Variants in RCAN2 observed in about 807,000 individuals in gnomAD.
RCAN2 encodes the protein calcipressin-2.
RCAN2 carries 9 observed loss-of-function variants against 23.6 expected under a neutral mutation model. The ratio of observed to expected loss-of-function variants is 0.38; its 90% confidence interval spans 0.23 to 0.67. The LOEUF is 0.67. Ranked by LOEUF, RCAN2 falls within the 30% of genes least tolerant of loss-of-function variation. RCAN2 has a pLI of 0.51. For synonymous variants in RCAN2, 109 were observed against 115.7 expected (o/e 0.94, Z 0.37); for missense variants, 273 against 302.3 (o/e 0.90, Z 0.72).
chr6:46,417,898 A>G (rs1385874325), intron 2 of RCAN2, among the ~76,000 whole-genome samples: 1 of 152,218 alleles, frequency 6.6e-6, no homozygotes, highest in Non-Finnish European at 1.5e-5. Flanking sequence ...TATTAGATCT[A>G]TTTCACTGAT....
intron 2 of RCAN2, among the ~76,000 whole-genome samples, chr6:46,310,602 C>G (rs143444053): frequency 0.011 from 1,609 of 149,996 alleles, 27 homozygotes; most frequent in African/African-American, 0.038. Flanking sequence ...GGAATTAATA[C>G]TGATTGTTGC....
chr6:46,381,420 T>C (rs145799104), intron 2 of RCAN2, among the ~76,000 whole-genome samples: 11 of 152,278 alleles, frequency 7.2e-5, no homozygotes, highest in African/African-American at 2.4e-4. Flanking sequence ...TCAGATTCTA[T>C]AAACTGAGGA....
chr6:46,466,734 C>A (rs1051113253), intron 1 of RCAN2, among the ~76,000 whole-genome samples: 3 of 152,166 alleles, frequency 2.0e-5, no homozygotes, highest in Non-Finnish European at 4.4e-5. Context: ...CCTATCTAGA[C>A]TTATCAACTG....
intron 2 of RCAN2, among the ~76,000 whole-genome samples, chr6:46,409,886 T>A (rs1313606744): frequency 1.3e-5 from 2 of 152,218 alleles, no homozygotes; most frequent in African/African-American, 4.8e-5. Flanking sequence ...TGAGGGTGTT[T>A]CCAGAAGAGA....
chr6:46,310,575 C>T (rs1763224297), intron 2 of RCAN2, among the ~76,000 whole-genome samples: 1 of 151,732 alleles, frequency 6.6e-6, no homozygotes, highest in South Asian at 2.1e-4. Flanking sequence ...ATACTTCTTC[C>T]AAAGAAATCT....
intron 2 of RCAN2, among the ~76,000 whole-genome samples, chr6:46,430,659 A>G (rs1345708428): frequency 1.3e-5 from 2 of 152,340 alleles, no homozygotes; most frequent in South Asian, 2.1e-4. Flanking sequence ...TGGATTTTCC[A>G]TAGGTGTGAT....
chr6:46,323,650 C>T (rs949840640), intron 2 of RCAN2, among the ~76,000 whole-genome samples: 1 of 152,138 alleles, frequency 6.6e-6, no homozygotes, highest in African/African-American at 2.4e-5. Context: ...ATAAAATCTA[C>T]CCATCTTTAA....
intron 2 of RCAN2, among the ~76,000 whole-genome samples, chr6:46,306,532 C>T (rs1019265951): frequency 2.0e-5 from 3 of 152,146 alleles, no homozygotes; most frequent in African/African-American, 7.2e-5. Flanking sequence ...GTGATGGTGA[C>T]ATTTACATCA....
chr6:46,423,556 A>T (rs1045543649), intron 2 of RCAN2, among the ~76,000 whole-genome samples: 1 of 152,190 alleles, frequency 6.6e-6, no homozygotes, highest in Non-Finnish European at 1.5e-5. Context: ...TCCTCTCTGA[A>T]GTCAATACTC....
rs60947209 is a variant in RCAN2 at position 46,296,066 on chromosome 6, C to CGTGTGTGT, written c.226-47178_226-47171dup. Among the ~76,000 whole-genome samples the CGTGTGTGT allele has an allele frequency of 2.6e-3, 360 of 138,522 alleles. 1 individual carries two copies. Among genetic ancestry groups the CGTGTGTGT allele is most frequent in the African/African-American group, 6.3e-3 (239 of 37,712 alleles). 90.9% of individuals were successfully genotyped at this position (138,522 alleles called of 152,430 possible). ...GCCTGGGATTACAGTCCAATAGCTT[C>CGTGTGTGT]GTGTGTGTGTGTGTGTGTGTGTGTG... On this transcript the variant is annotated intron_variant, in intron 2 of 4. Transcript: ENST00000371374.
At chr6:46,303,197 T>A (rs1425441271) in intron 2 of RCAN2, among the ~76,000 whole-genome samples, 1 of 151,908 alleles carries the variant, frequency 6.6e-6, no homozygotes, top group African/African-American at 2.4e-5. Flanking sequence ...TAGCTCTGGG[T>A]CCTGCGTTCC....
chr6:46,463,009 T>C (rs1023858875), intron 1 of RCAN2, among the ~76,000 whole-genome samples: 2 of 152,166 alleles, frequency 1.3e-5, no homozygotes, highest in African/African-American at 4.8e-5. Context: ...CACAGAAAGA[T>C]GGTAAACATT....
intron 2 of RCAN2, among the ~76,000 whole-genome samples, chr6:46,262,086 C>G (rs567336449): frequency 6.6e-6 from 1 of 152,124 alleles, no homozygotes; most frequent in Admixed American, 6.5e-5. Flanking sequence ...CAGACCTCCA[C>G]GCCCCATATT....
At chr6:46,249,959 T>G (rs904600103) in intron 2 of RCAN2, among the ~76,000 whole-genome samples, 20 of 152,312 alleles carry the variant, frequency 1.3e-4, no homozygotes, top group African/African-American at 4.6e-4. Context: ...TGAGAATTAT[T>G]TTATTCCTAC....
intron 4 of RCAN2, among the ~76,000 whole-genome samples, chr6:46,235,301 C>A (rs768948774): frequency 2.0e-5 from 3 of 152,106 alleles, no homozygotes; most frequent in African/African-American, 4.8e-5. Flanking sequence ...TGGACAAAGT[C>A]TTTGTATGTG....
chr6:46,457,881 T>C (rs758353194), intron 1 of RCAN2, among the ~76,000 whole-genome samples: 5 of 152,192 alleles, frequency 3.3e-5, no homozygotes, highest in African/African-American at 4.8e-5. Flanking sequence ...TATTTGCAGT[T>C]TGCCTAACTG....
At chr6:46,345,945 G>A (rs1459649702) in intron 2 of RCAN2, among the ~76,000 whole-genome samples, 3 of 152,032 alleles carry the variant, frequency 2.0e-5, no homozygotes, top group African/African-American at 7.2e-5. Flanking sequence ...AAACCTCTCA[G>A]TTGTAAATCC....
At chr6:46,339,034 A>AAAAAAAAAAAAAAAT (rs1764226124) in intron 2 of RCAN2, among the ~76,000 whole-genome samples, 1 of 150,996 alleles carries the variant, frequency 6.6e-6, no homozygotes, top group Admixed American at 6.6e-5. Context: ...AAAAAAAAAA[A>AAAAAAAAAAAAAAAT]AAAAAGAATT....
chr6:46,237,514 C>T (rs945536934), intron 4 of RCAN2, among the ~76,000 whole-genome samples: 5 of 152,086 alleles, frequency 3.3e-5, no homozygotes, highest in Non-Finnish European at 7.4e-5. Flanking sequence ...TGTTTCCCAC[C>T]CCACATACTC....
Sources: gnomAD v4.1 joint callset for allele counts (sites outside exome capture counted in the v4.1 genomes callset) on GRCh38, gnomAD v4.1.1 for gene constraint, MANE v1.5 for transcripts, NCBI Gene and HGNC (gene_info 2026-07-23, HGNC 2026-07-21) for gene names.